Variants in ZBTB37 observed in about 807,000 individuals in gnomAD.
The protein encoded by ZBTB37 is zinc finger and BTB domain-containing protein 37.
ZBTB37 carries 15 observed loss-of-function variants against 37.7 expected under a neutral mutation model. The observed-to-expected ratio is 0.40, with a 90% CI of 0.27 to 0.61. The LOEUF is 0.61. ZBTB37 is among the 20% of genes least tolerant of loss of function. The pLI is 0.44. For synonymous variants in ZBTB37, 231 were observed against 220.6 expected, an observed-to-expected ratio of 1.05 and a Z score of -0.42; for missense variants, 514 against 641.9, an observed-to-expected ratio of 0.80 and a Z score of 2.15.
chr1:173,875,317 C>CATATATATAT (rs1156598476), intron 4 of ZBTB37, among the ~76,000 whole-genome samples: 6 of 122,046 alleles, frequency 4.9e-5, no homozygotes, highest in African/African-American at 1.7e-4. Flanking sequence ...TATATGTGTG[C>CATATATATAT]ATATATATAT....
exon 4 of ZBTB37, chr1:173,901,086 G>C (rs1277917653): frequency 6.6e-6 from 1 of 152,214 alleles, no homozygotes; most frequent in East Asian, 1.9e-4. Flanking sequence ...TCAGCACTGT[G>C]AAGTTTGGTC....
intron 4 of ZBTB37, among the ~76,000 whole-genome samples, chr1:173,876,565 G>T (rs945517866): frequency 6.6e-6 from 1 of 152,102 alleles, no homozygotes; most frequent in African/African-American, 2.4e-5. Flanking sequence ...TAATCCAACC[G>T]CCTCAGCCTC....
downstream of ZBTB37, chr1:173,889,929 T>C (rs920938094): frequency 7.2e-5 from 11 of 152,218 alleles, no homozygotes; most frequent in African/African-American, 2.7e-4. Flanking sequence ...TTTCCAAAGA[T>C]GGTTTGAAGA....
chr1:173,887,203 C>T (rs1288047471), downstream of ZBTB37: 1 of 152,116 alleles, frequency 6.6e-6, no homozygotes, highest in African/African-American at 2.4e-5. Flanking sequence ...AGAAATTCAA[C>T]ACTATGGTTC....
Position 173,883,658 on chromosome 1 carries a change from T to C in ZBTB37, c.1024-1978T>C, listed in dbSNP as rs554485243. ...CCTCATTCTTTATGTGAACTCAGTTTTTTTTATCCAGGGAAATGAAGCAGA... is the reference window on the plus strand; with the variant it reads ...CCTCATTCTTTATGTGAACTCAGTTCTTTTTATCCAGGGAAATGAAGCAGA... On this transcript the variant is annotated intron_variant, in intron 4 of 4. Transcript: ENST00000427304. Among the ~76,000 whole-genome samples, 10 of 152,328 alleles carry C rather than the reference T, an allele frequency of 6.6e-5. No individual in the cohort carries two copies. The East Asian group carries it at 1.7e-3, about 26-fold the overall frequency.
intron 4 of ZBTB37, among the ~76,000 whole-genome samples, chr1:173,874,015 G>A (rs1655748740): frequency 6.6e-6 from 1 of 152,086 alleles, no homozygotes; most frequent in African/African-American, 2.4e-5. Context: ...CAGCACTTTG[G>A]GAGGCCGAGG....
exon 3 of ZBTB37, chr1:173,870,838 G>A: frequency 3.1e-6 from 5 of 1,614,246 alleles, no homozygotes; most frequent in East Asian, 2.2e-5. Context: ...AAGTTCTGAT[G>A]TAGAGAGCCG....
chr1:173,870,226 A>G, exon 3 of ZBTB37: 1 of 1,606,044 alleles, frequency 6.2e-7, no homozygotes, highest in Non-Finnish European at 8.5e-7. Context: ...AGGCACGACC[A>G]TGGAGAAAGG....
At chr1:173,871,908 A>G (rs576129059) in intron 3 of ZBTB37, among the ~76,000 whole-genome samples, 4 of 152,198 alleles carry the variant, frequency 2.6e-5, no homozygotes, top group Non-Finnish European at 5.9e-5. Flanking sequence ...TTACTAATTT[A>G]GATTGGTAAT....
Position 173,897,242 on chromosome 1 carries a change from CATTA to C in ZBTB37, c.*11122_*11125del, listed in dbSNP as rs553305159. The stretch of plus-strand genomic sequence containing the variant: ...CACAGAAGCATTTTGTTAGCTGTAT[CATTA>C]ATTCTAAAAATCAAATTCTTGGCAT... On this transcript the variant is annotated 3_prime_UTR_variant, in exon 4 of 4. Transcript: ENST00000367701. 153 of 152,246 alleles carry C rather than the reference CATTA, an allele frequency of 1.0e-3. 1 individual carries two copies. The highest frequency in any genetic ancestry group is 3.2e-3 in the African/African-American group (135 of 41,550). The allele number at this position is 152,246 out of a possible 1,614,324, so 9.4% of individuals were successfully genotyped here. A position where few individuals can be genotyped will look rare whatever the true frequency, so the allele number is the denominator to read the frequency against.
At chr1:173,901,423 A>C (rs1478821820) in exon 4 of ZBTB37, 1 of 86,716 alleles carries the variant, frequency 1.2e-5, no homozygotes, top group Non-Finnish European at 2.0e-5. Context: ...TTTTTTTTTG[A>C]GACAGGGTCT....
intron 4 of ZBTB37, among the ~76,000 whole-genome samples, chr1:173,879,845 G>T (rs532599750): frequency 6.6e-6 from 1 of 152,238 alleles, no homozygotes; most frequent in East Asian, 1.9e-4. Context: ...CAGCTACTCG[G>T]GAGGCTGCAA....
exon 4 of ZBTB37, chr1:173,903,099 A>G (rs76874166): frequency 1.9e-4 from 29 of 152,324 alleles, no homozygotes; most frequent in African/African-American, 6.5e-4. Flanking sequence ...GATTTGTGTC[A>G]TTTCTAAGTA....
exon 4 of ZBTB37, chr1:173,903,232 A>G (rs182286757): frequency 6.7e-6 from 1 of 149,326 alleles, no homozygotes; most frequent in Admixed American, 6.7e-5. Context: ...GAGCCCCAGG[A>G]CCCCTGTCGT....
chr1:173,875,708 G>A (rs1363903236), intron 4 of ZBTB37, among the ~76,000 whole-genome samples: 1 of 151,512 alleles, frequency 6.6e-6, no homozygotes, highest in Non-Finnish European at 1.5e-5. Context: ...AGGTTGCATT[G>A]CACTGGTGCG....
intron 4 of ZBTB37, among the ~76,000 whole-genome samples, chr1:173,873,964 C>T (rs111468499): frequency 0.013 from 1,972 of 152,150 alleles, 25 homozygotes; most frequent in South Asian, 0.031. Flanking sequence ...ACTAGAAATA[C>T]AAGGGAACTG....
chr1:173,889,634 C>T (rs899153620), downstream of ZBTB37: 1 of 152,202 alleles, frequency 6.6e-6, no homozygotes, highest in Non-Finnish European at 1.5e-5. Flanking sequence ...TTGGCATGAA[C>T]AGTTAATGCT....
At chr1:173,880,072 G>A (rs1238017109) in intron 4 of ZBTB37, among the ~76,000 whole-genome samples, 1 of 152,216 alleles carries the variant, frequency 6.6e-6, no homozygotes, top group African/African-American at 2.4e-5. Flanking sequence ...GTGGGGGAAA[G>A]CATTTAGGGG....
At chr1:173,878,922 CT>C (rs1656132932) in intron 4 of ZBTB37, among the ~76,000 whole-genome samples, 2 of 151,964 alleles carry the variant, frequency 1.3e-5, no homozygotes, top group African/African-American at 4.8e-5. Flanking sequence ...AACCCCTTCT[CT>C]AATAAAAATA....
Sources: allele counts gnomAD v4.1 joint callset (sites outside exome capture counted in the v4.1 genomes callset), GRCh38; gene constraint gnomAD v4.1.1; transcripts MANE v1.5; gene names NCBI Gene and HGNC (gene_info 2026-07-23, HGNC 2026-07-21).